The following RAPGEF6 variants were observed in gnomAD, a reference collection of about 807,000 sequenced individuals.
RAPGEF6 encodes the protein PDZ domain containing guanine nucleotide exchange factor (GEF) 2.
In RAPGEF6, 56 loss-of-function variants were observed where a neutral mutation model predicts 171.4. The ratio of observed to expected loss-of-function variants is 0.33; its 90% confidence interval spans 0.26 to 0.41. The LOEUF (loss-of-function observed/expected upper bound fraction) is 0.41. Ranked by LOEUF, RAPGEF6 falls within the 10% of genes least tolerant of loss-of-function variation. The probability of loss-of-function intolerance (pLI) is 1.00; values close to 1 mark genes in which losing one functional copy is unlikely to be tolerated. For missense variants in RAPGEF6, 1,674 were observed against 1,921.4 expected, an observed-to-expected ratio of 0.87 and a Z score of 2.41; for synonymous variants, 692 against 650.1, an observed-to-expected ratio of 1.06 and a Z score of -0.98.
chr5:131,434,059 T>C (rs1751875827), intron 24 of RAPGEF6, among the ~76,000 whole-genome samples: 1 of 152,252 alleles, frequency 6.6e-6, no homozygotes, highest in South Asian at 2.1e-4. Context: ...TTCCTTTGAT[T>C]AATATGAATA....
At chr5:131,568,032 A>C (rs1019006295) in intron 4 of RAPGEF6, among the ~76,000 whole-genome samples, 6 of 152,216 alleles carry the variant, frequency 3.9e-5, no homozygotes, top group Non-Finnish European at 4.4e-5. Context: ...TGCCTGGTAT[A>C]TCTCTCAATC....
chr5:131,467,621 T>C (rs1664469971), intron 17 of RAPGEF6, among the ~76,000 whole-genome samples: 1 of 152,244 alleles, frequency 6.6e-6, no homozygotes, highest in South Asian at 2.1e-4. Context: ...GGTCAATATG[T>C]TCGAATAAAG....
intron 1 of RAPGEF6, among the ~76,000 whole-genome samples, chr5:131,617,063 T>C (rs934086269): frequency 3.3e-5 from 5 of 152,246 alleles, no homozygotes; most frequent in African/African-American, 1.2e-4. Context: ...AATTCAACTG[T>C]ATCATACATA....
chr5:131,592,641 T>A (rs555648524), intron 3 of RAPGEF6, among the ~76,000 whole-genome samples, 175 bp from the exon 4 acceptor site: 6 of 152,344 alleles, frequency 3.9e-5, no homozygotes, highest in African/African-American at 1.4e-4. Context: ...ACCACGTTTA[T>A]GTGAAATAAA....
At chr5:131,516,238 A>T (rs1300630263) in intron 7 of RAPGEF6, among the ~76,000 whole-genome samples, 1 of 151,920 alleles carries the variant, frequency 6.6e-6, no homozygotes, top group East Asian at 1.9e-4. Flanking sequence ...GCGCCACCGC[A>T]CGTGGCTACT....
At chr5:131,562,777 A>G (rs1179627311) in intron 4 of RAPGEF6, among the ~76,000 whole-genome samples, 2 of 151,486 alleles carry the variant, frequency 1.3e-5, no homozygotes, top group Non-Finnish European at 1.5e-5. Flanking sequence ...GCAACCATCC[A>G]TTTTTTTTTC....
chr5:131,451,813 C>T (rs749346931), intron 21 of RAPGEF6, among the ~76,000 whole-genome samples: 12 of 152,052 alleles, frequency 7.9e-5, no homozygotes, highest in Non-Finnish European at 1.5e-4. Context: ...GAAATTGTGT[C>T]GGCCCCTGTA....
chr5:131,539,073 G>A (rs912311716), intron 6 of RAPGEF6, among the ~76,000 whole-genome samples: 7 of 152,142 alleles, frequency 4.6e-5, no homozygotes, highest in Admixed American at 3.9e-4. Context: ...GAGAAGAGAA[G>A]CAATATTGAA....
At chr5:131,501,602 A>G (rs1757031847) in intron 11 of RAPGEF6, among the ~76,000 whole-genome samples, 1 of 151,962 alleles carries the variant, frequency 6.6e-6, no homozygotes. Flanking sequence ...AATCTATTGT[A>G]AAATATATTA....
chr5:131,635,208 G>C lies in RAPGEF6; in HGVS notation c.-178C>G, dbSNP rs976945908. On this transcript the variant is annotated 5_prime_UTR_variant, in exon 1 of 28. Coordinates refer to ENST00000509018, the MANE Select transcript of RAPGEF6 (RefSeq NM_016340.6). ...GCCCGCCTAAGGCCTCTACCCACGC[G>C]CGACTGGCCGGAGACAAGTCTGCGC... is the stretch of plus-strand genomic sequence containing the variant. The C allele has an allele frequency of 8.2e-6, 5 of 611,254 alleles. No homozygotes were observed. Among genetic ancestry groups the C allele is most frequent in the African/African-American group, 7.6e-5 (4 of 52,970 alleles). 37.9% of individuals were successfully genotyped at this position (611,254 alleles called of 1,614,324 possible).
intron 5 of RAPGEF6, among the ~76,000 whole-genome samples, chr5:131,559,229 T>C (rs1481174949): frequency 6.6e-6 from 1 of 152,088 alleles, no homozygotes; most frequent in Non-Finnish European, 1.5e-5. Flanking sequence ...CCTGGGAGGC[T>C]GAGGCAGGAG....
intron 9 of RAPGEF6, among the ~76,000 whole-genome samples, chr5:131,506,944 G>A (rs549003532): frequency 6.6e-6 from 1 of 151,484 alleles, no homozygotes; most frequent in Admixed American, 6.6e-5. Flanking sequence ...AACTTTTGGG[G>A]GGAGTCCATC....
chr5:131,635,148 C>T lies in RAPGEF6; in HGVS notation c.-118G>A. ...CCAAGGAGGGAACTTCGCGCCGTAA[C>T]AAGGTCCGAACTCTAGCAAACAACC... On this transcript the variant is annotated 5_prime_UTR_variant, in exon 1 of 28. Transcript: ENST00000509018. The T allele has an allele frequency of 9.2e-7, 1 of 1,087,920 alleles. No homozygotes were observed. Among genetic ancestry groups the T allele is most frequent in the South Asian group, 1.6e-5 (1 of 63,028 alleles). The allele number at this position is 1,087,920 out of a possible 1,614,324, so 67.4% of individuals were successfully genotyped here.
chr5:131,493,611 C>G (rs1020146517), intron 13 of RAPGEF6, among the ~76,000 whole-genome samples: 4 of 152,004 alleles, frequency 2.6e-5, no homozygotes, highest in Non-Finnish European at 5.9e-5. Context: ...GTTCTAATTC[C>G]AGTTTCAATT....
At chr5:131,499,581 CAAAA>C (rs375534138) in intron 11 of RAPGEF6, among the ~76,000 whole-genome samples, 2 of 87,548 alleles carry the variant, frequency 2.3e-5, no homozygotes, top group African/African-American at 4.7e-5. Context: ...GACTTTGTCT[CAAAA>C]AAAAAAAAAA....
chr5:131,513,853 A>T (rs543515290), intron 7 of RAPGEF6, among the ~76,000 whole-genome samples: 51 of 152,270 alleles, frequency 3.3e-4, no homozygotes, highest in Admixed American at 7.8e-4. Context: ...ACAAAAAAAT[A>T]CAAAAATTAG....
chr5:131,519,546 T>C (rs1279144997), intron 7 of RAPGEF6, among the ~76,000 whole-genome samples: 1 of 152,234 alleles, frequency 6.6e-6, no homozygotes, highest in East Asian at 1.9e-4. Flanking sequence ...AGATTACAGA[T>C]GTGTGCCACC....
intron 1 of RAPGEF6, among the ~76,000 whole-genome samples, chr5:131,604,966 A>G (rs904056510): frequency 6.6e-6 from 1 of 152,196 alleles, no homozygotes; most frequent in African/African-American, 2.4e-5. Context: ...AAAGTATATT[A>G]ATTCATTATT....
At chr5:131,556,217 A>T (rs1009695539) in intron 5 of RAPGEF6, among the ~76,000 whole-genome samples, 1 of 152,200 alleles carries the variant, frequency 6.6e-6, no homozygotes, top group African/African-American at 2.4e-5. Context: ...AGGTGGGTGG[A>T]TCACCTGAGG....
Sources: gnomAD v4.1 joint callset for allele counts (sites outside exome capture counted in the v4.1 genomes callset) on GRCh38, gnomAD v4.1.1 for gene constraint, MANE v1.5 for transcripts, NCBI Gene and HGNC (gene_info 2026-07-23, HGNC 2026-07-21) for gene names.